Variants in ADK observed in about 807,000 individuals in gnomAD.
The protein encoded by ADK is N6,N6-dimethyladenosine kinase.
ADK carries 24 observed loss-of-function variants against 44.7 expected under a neutral mutation model. The observed-to-expected ratio is 0.54, with a 90% CI of 0.39 to 0.76. The LOEUF (loss-of-function observed/expected upper bound fraction) is 0.76. ADK is among the 30% of genes least tolerant of loss of function. The probability of loss-of-function intolerance (pLI) is 0.00; values close to 1 mark genes in which losing one functional copy is unlikely to be tolerated. For synonymous variants in ADK, 128 were observed against 142.6 expected, an observed-to-expected ratio of 0.90 and a Z score of 0.73; for missense variants, 321 against 425.1, an observed-to-expected ratio of 0.76 and a Z score of 2.15.
At chr10:74,454,204 C>T (rs1292017884) in intron 6 of ADK, among the ~76,000 whole-genome samples, 1 of 151,990 alleles carries the variant, frequency 6.6e-6, no homozygotes, top group Non-Finnish European at 1.5e-5. Flanking sequence ...TGTTTTCCTA[C>T]TGTTTGTTGG....
At chr10:74,383,633 G>C (rs901492813) in intron 4 of ADK, among the ~76,000 whole-genome samples, 1 of 152,114 alleles carries the variant, frequency 6.6e-6, no homozygotes, top group Non-Finnish European at 1.5e-5. Context: ...AACATAGAGG[G>C]AAATGAAGAC....
rs180731885 is a variant in ADK, at chr10:74,277,137, C to T, written c.195-37530C>T. 4.6e-5 allele frequency among the ~76,000 whole-genome samples: 7 copies of T among 152,222 alleles called. No individual in the cohort carries two copies. In the South Asian group the frequency reaches 6.2e-4, roughly 14 times the overall value. On this transcript the variant is annotated intron_variant, in intron 3 of 10. Coordinates refer to ENST00000539909, the MANE Select transcript of ADK (RefSeq NM_006721.4). ...TTTCACCATTTGGCCAGGCTGATCT[C>T]GAACTCTTGACCTCGGGTGATCCGC...
chr10:74,367,741 C>T (rs1000011996), intron 4 of ADK, among the ~76,000 whole-genome samples: 27 of 152,058 alleles, frequency 1.8e-4, no homozygotes, highest in Non-Finnish European at 2.4e-4. Flanking sequence ...CTTTTCAATG[C>T]GTATTTAGTG....
chr10:74,408,659 G>A (rs934685576), intron 6 of ADK, among the ~76,000 whole-genome samples: 6 of 152,010 alleles, frequency 3.9e-5, no homozygotes, highest in Admixed American at 2.0e-4. Flanking sequence ...TACTGATAAC[G>A]TAAATAGTTG....
At chr10:74,335,081 T>C (rs950709985) in intron 4 of ADK, among the ~76,000 whole-genome samples, 1 of 152,170 alleles carries the variant, frequency 6.6e-6, no homozygotes, top group African/African-American at 2.4e-5. Context: ...GAATCTTTTG[T>C]TGGGGGTTCC....
intron 10 of ADK, among the ~76,000 whole-genome samples, chr10:74,704,409 A>G (rs1471171721): frequency 6.6e-6 from 1 of 152,196 alleles, no homozygotes; most frequent in African/African-American, 2.4e-5. Flanking sequence ...GATTCCCTAC[A>G]ATTATTTAAA....
chr10:74,369,191 A>G (rs1023731926), intron 4 of ADK, among the ~76,000 whole-genome samples: 1 of 152,066 alleles, frequency 6.6e-6, no homozygotes, highest in African/African-American at 2.4e-5. Flanking sequence ...TTTTATTTCT[A>G]CAAAAATTAC....
intron 3 of ADK, among the ~76,000 whole-genome samples, chr10:74,270,217 A>G (rs542158426): frequency 2.6e-5 from 4 of 152,336 alleles, no homozygotes; most frequent in African/African-American, 7.2e-5. Flanking sequence ...TTAGTGGGTT[A>G]TATCTATTGA....
At chr10:74,307,026 A>G (rs1251666308) in intron 3 of ADK, among the ~76,000 whole-genome samples, 2 of 151,614 alleles carry the variant, frequency 1.3e-5, no homozygotes, top group Non-Finnish European at 2.9e-5. Context: ...CCCCTTCCTT[A>G]TCATTATCTT....
intron 4 of ADK, among the ~76,000 whole-genome samples, chr10:74,330,522 C>T (rs1443705121): frequency 1.3e-5 from 2 of 152,140 alleles, no homozygotes; most frequent in Non-Finnish European, 2.9e-5. Context: ...ATGGCCCAGA[C>T]TTAGCGACTT....
In ADK at chr10:74,273,042, A is replaced by C. The variant is rs577171145; in HGVS notation, c.195-41625A>C. 6.8e-4 allele frequency among the ~76,000 whole-genome samples: 103 copies of C among 152,178 alleles called. 4 individuals are homozygous for C. Among genetic ancestry groups the C allele is most frequent in the South Asian group, 8.3e-4 (4 of 4,816 alleles). ...AGGATTTAAAAATGGTTGAAACAGG[A>C]GTTGTGAAGTTTGAGTGTGGTGGAT... On this transcript the variant is annotated intron_variant, in intron 3 of 10. Transcript: ENST00000539909.
intron 2 of ADK, among the ~76,000 whole-genome samples, chr10:74,201,676 G>C (rs11599829): frequency 0.04 from 4,717 of 117,260 alleles, 109 homozygotes; most frequent in Non-Finnish European, 0.054. Context: ...ATGTATGTAT[G>C]TATCTATCTA....
At chr10:74,699,072 G>A (rs1203330166) in intron 10 of ADK, among the ~76,000 whole-genome samples, 1 of 148,948 alleles carries the variant, frequency 6.7e-6, no homozygotes, top group Non-Finnish European at 1.5e-5. Context: ...CTGGTTTCCT[G>A]GGCTCAAATG....
chr10:74,293,299 A>G (rs1283091732), intron 3 of ADK, among the ~76,000 whole-genome samples: 1 of 151,632 alleles, frequency 6.6e-6, no homozygotes, highest in Non-Finnish European at 1.5e-5. Flanking sequence ...ATACTTTTGT[A>G]TGTTTAAAAA....
chr10:74,457,663 A>G (rs1174408384), intron 6 of ADK, among the ~76,000 whole-genome samples: 2 of 152,208 alleles, frequency 1.3e-5, no homozygotes, highest in Non-Finnish European at 2.9e-5. Context: ...GTGGCACATA[A>G]CCACCATGGA....
chr10:74,337,504 A>G (rs779306567), intron 4 of ADK, among the ~76,000 whole-genome samples: 1 of 152,244 alleles, frequency 6.6e-6, no homozygotes, highest in Non-Finnish European at 1.5e-5. Context: ...AGGATACTGT[A>G]CAGACACTGA....
chr10:74,677,343 C>T (rs1589361861), intron 10 of ADK, among the ~76,000 whole-genome samples: 1 of 152,124 alleles, frequency 6.6e-6, no homozygotes, highest in Non-Finnish European at 1.5e-5. Flanking sequence ...ACAAGGATGC[C>T]ACTTCCTCTT....
At chr10:74,412,360 C>A (rs751317046) in intron 6 of ADK, among the ~76,000 whole-genome samples, 1 of 152,062 alleles carries the variant, frequency 6.6e-6, no homozygotes, top group Non-Finnish European at 1.5e-5. Flanking sequence ...AGGCTGGTCT[C>A]GAACTGCTGG....
At chr10:74,582,159 CA>C (rs1156277896) in intron 7 of ADK, among the ~76,000 whole-genome samples, 2 of 151,808 alleles carry the variant, frequency 1.3e-5, no homozygotes, top group African/African-American at 4.8e-5. Context: ...CCTGTCTCTA[CA>C]AAAAAATACA....
Sources: gnomAD v4.1 joint callset for allele counts (sites outside exome capture counted in the v4.1 genomes callset) on GRCh38, gnomAD v4.1.1 for gene constraint, MANE v1.5 for transcripts, NCBI Gene and HGNC (gene_info 2026-07-23, HGNC 2026-07-21) for gene names.